Variants in CCNH observed in about 807,000 individuals in gnomAD.
CCNH encodes the protein cyclin H, also known as cyclin-H.
CCNH carries 31 observed loss-of-function variants against 41.9 expected under a neutral mutation model. The observed-to-expected ratio is 0.74, with a 90% CI of 0.56 to 1.00. The LOEUF (loss-of-function observed/expected upper bound fraction) is 1.00, where lower values mean the gene tolerates loss of function less well. CCNH is among the 50% of genes least tolerant of loss of function. The pLI is 0.00. For synonymous variants in CCNH, 138 were observed against 136.1 expected, an observed-to-expected ratio of 1.01 and a Z score of -0.10; for missense variants, 362 against 388.4, an observed-to-expected ratio of 0.93 and a Z score of 0.57.
At chr5:87,320,586 C>G (rs1468734165) in intron 9 of CCNH, among the ~76,000 whole-genome samples, 1 of 152,106 alleles carries the variant, frequency 6.6e-6, no homozygotes, top group Non-Finnish European at 1.5e-5. Context: ...ACTTTTAAAC[C>G]ATCAGATCTT....
At chr5:87,392,352 C>A, downstream of CCNH, 1 of 455,942 alleles carries the variant, frequency 2.2e-6, no homozygotes, top group South Asian at 1.5e-5. Context: ...GGGCTGCTAA[C>A]CTATGTGGCT....
chr5:87,359,204 AG>A (rs1173748739), intron 9 of CCNH, among the ~76,000 whole-genome samples: 7 of 152,176 alleles, frequency 4.6e-5, no homozygotes, highest in Non-Finnish European at 8.8e-5. Flanking sequence ...TGACAAAGCT[AG>A]GATCTGCAAG....
In CCNH at chr5:87,362,608, C is replaced by T. The variant is rs1760197131; in HGVS notation, c.*90+30162G>A. 1 of 1,596,156 alleles carries T rather than the reference C, an allele frequency of 6.3e-7. No homozygotes were observed. Among genetic ancestry groups the T allele is most frequent in the Non-Finnish European group, 8.6e-7 (1 of 1,164,006 alleles). ...TGGCAAGGAAATCTATAATACCATC[C>T]GTCGTAAAACAAAGGATGCCTTTTA... On this transcript the variant is annotated intron_variant and NMD_transcript_variant, in intron 9 of 9. Transcript: ENST00000645953.
chr5:87,359,449 G>T (rs1759907419), intron 9 of CCNH, among the ~76,000 whole-genome samples: 1 of 152,124 alleles, frequency 6.6e-6, no homozygotes, highest in African/African-American at 2.4e-5. Flanking sequence ...TAGTGTATTG[G>T]AATCTTTTAG....
chr5:87,338,421 T>G (rs1758137750), intron 9 of CCNH, among the ~76,000 whole-genome samples: 1 of 146,940 alleles, frequency 6.8e-6, no homozygotes, highest in African/African-American at 2.5e-5. Flanking sequence ...AACCTCCACC[T>G]CCCAGGTTCA....
At chr5:87,412,549 G>GA in intron 1 of CCNH, 129 bp downstream of exon 1, 1 of 1,463,832 alleles carries the variant, frequency 6.8e-7, no homozygotes, top group Non-Finnish European at 9.1e-7. Context: ...TATTTTGATA[G>GA]AAAAACGCAC....
chr5:87,383,605 T>G, intron 9 of CCNH: 1 of 792,660 alleles, frequency 1.3e-6, no homozygotes, highest in Non-Finnish European at 2.0e-6. Context: ...GAGTGAATTT[T>G]ATGGGTTCTA....
At chr5:87,370,384 C>T (rs938481401) in intron 9 of CCNH, among the ~76,000 whole-genome samples, 5 of 152,156 alleles carry the variant, frequency 3.3e-5, no homozygotes, top group African/African-American at 1.2e-4. Flanking sequence ...AGCTATTAAT[C>T]CATGTGCAGT....
downstream of CCNH, chr5:87,391,799 A>G (rs1762547103): frequency 4.3e-6 from 1 of 231,770 alleles, no homozygotes; most frequent in Admixed American, 5.6e-5. Context: ...ACTTCTGACT[A>G]CTTGTTGTAT....
chr5:87,357,887 T>C (rs1000324352), intron 9 of CCNH, among the ~76,000 whole-genome samples: 3 of 152,112 alleles, frequency 2.0e-5, no homozygotes, highest in African/African-American at 4.8e-5. Flanking sequence ...TCAGAAATAA[T>C]TGATGCTGAT....
chr5:87,408,598 T>C (rs933203026), intron 3 of CCNH, among the ~76,000 whole-genome samples: 2 of 152,084 alleles, frequency 1.3e-5, no homozygotes, highest in Admixed American at 6.6e-5. Context: ...TAAAGGAACA[T>C]TGTGGAAGGC....
chr5:87,397,497 A>G (rs942511219), intron 7 of CCNH, among the ~76,000 whole-genome samples: 1 of 152,180 alleles, frequency 6.6e-6, no homozygotes, highest in Non-Finnish European at 1.5e-5. Context: ...TAATAATTTT[A>G]TGACTGCTGA....
At chr5:87,359,906 T>C (rs2112449113) in intron 9 of CCNH, among the ~76,000 whole-genome samples, 1 of 152,322 alleles carries the variant, frequency 6.6e-6, no homozygotes, top group African/African-American at 2.4e-5. Context: ...GTCTTTTCAA[T>C]GCAACTAACA....
intron 9 of CCNH, among the ~76,000 whole-genome samples, chr5:87,343,976 A>G (rs2112406670): frequency 6.6e-6 from 1 of 152,320 alleles, no homozygotes; most frequent in African/African-American, 2.4e-5. Flanking sequence ...CAGAAAGACA[A>G]ATACCATGTG....
chr5:87,398,541 A>T (rs1252348862), intron 7 of CCNH, among the ~76,000 whole-genome samples: 2 of 152,226 alleles, frequency 1.3e-5, no homozygotes, highest in Admixed American at 1.3e-4. Flanking sequence ...CCTAAAAAAG[A>T]AAGTTTCAGT....
Position 87,349,283 on chromosome 5 carries a change from G to A in CCNH, c.*91-30386C>T, listed in dbSNP as rs770469001. The A allele has an allele frequency of 1.9e-5, 31 of 1,611,744 alleles. No individual in the cohort carries two copies. Among genetic ancestry groups the A allele is most frequent in the Non-Finnish European group, 2.4e-5 (28 of 1,178,720 alleles). ...CCTGGCGATTATTCACTTTATTTCC[G>A]GACCAATGAAAATATTCAGCGATTT... On this transcript the variant is annotated intron_variant and NMD_transcript_variant, in intron 9 of 9. Transcript: ENST00000645953.
Position 87,412,747 on chromosome 5 carries a change from C to T in CCNH, c.48G>A (p.Glu16=), listed in dbSNP as rs1580473967. 1.2e-6 allele frequency: 2 copies of T among 1,614,092 alleles called. No homozygotes were observed. Among genetic ancestry groups the T allele is most frequent in the Non-Finnish European group, 8.5e-7 (1 of 1,180,046 alleles). ...CAGCCCGCAGTCTTGCCAGCTGCTC[C>T]TCGCTGGAGAAGGTCCAGTGCCGCT... ...SQKRHWTFSS[E]EQLARLRADA... Residue 16 remains glutamate, a synonymous_variant, in exon 1 of 9, where the codon GAG becomes GAA. Coordinates refer to ENST00000256897, the MANE Select transcript of CCNH (RefSeq NM_001239.4).
rs1763207296 is a variant in CCNH at position 87,399,266 on chromosome 5, TAAAG to T, written c.872+124_872+127del. On this transcript the variant is annotated intron_variant, in intron 7 of 8. Transcript: ENST00000256897. ...AATCTCATTAGAAATGTCCATTCAATAAAGAAAATCTGATTTTATGGATCAGTCA... is the reference window on the plus strand; with the variant it reads ...AATCTCATTAGAAATGTCCATTCAATAAAATCTGATTTTATGGATCAGTCA... 4.2e-6 allele frequency: 3 copies of T among 707,966 alleles called. No individual in the cohort carries two copies. The South Asian group carries it at 5.0e-5, about 12-fold the overall frequency. 43.9% of individuals were successfully genotyped at this position (707,966 alleles called of 1,614,324 possible). A position where few individuals can be genotyped will look rare whatever the true frequency, so the allele number is the denominator to read the frequency against.
chr5:87,385,383 A>T, intron 9 of CCNH: 1 of 1,597,034 alleles, frequency 6.3e-7, no homozygotes, highest in Admixed American at 1.7e-5. Flanking sequence ...TGGAATTTGG[A>T]GCTAAGGTAA....
Sources: gnomAD v4.1 joint callset for allele counts (sites outside exome capture counted in the v4.1 genomes callset) on GRCh38, gnomAD v4.1.1 for gene constraint, MANE v1.5 for transcripts, NCBI Gene and HGNC (gene_info 2026-07-23, HGNC 2026-07-21) for gene names.